The following CA5B variants were observed in gnomAD, a reference collection of about 807,000 sequenced individuals.
CA5B encodes carbonic anhydrase 5B, mitochondrial.
In CA5B, 15 loss-of-function variants were observed where a neutral mutation model predicts 23.1. That is an observed-to-expected ratio of 0.65 (90% confidence interval 0.43 to 1.00). The LOEUF is 1.00. Ranked by LOEUF, CA5B falls within the 50% of genes least tolerant of loss-of-function variation. The pLI is 0.00. For missense variants in CA5B, 236 were observed against 252.2 expected, an observed-to-expected ratio of 0.94 and a Z score of 0.43; for synonymous variants, 84 against 98.5, an observed-to-expected ratio of 0.85 and a Z score of 0.87.
intron 1 of CA5B, among the ~76,000 whole-genome samples, chrX:15,741,136 C>T (rs1931111441): frequency 9.2e-6 from 1 of 108,808 alleles, no homozygotes; most frequent in African/African-American, 3.3e-5. Flanking sequence ...GGCACAATCT[C>T]GGCTCACTGC....
At chrX:15,778,337 A>T (rs1931966735) in intron 7 of CA5B, among the ~76,000 whole-genome samples, 1 of 112,128 alleles carries the variant, frequency 8.9e-6, no homozygotes, top group South Asian at 3.7e-4. Flanking sequence ...TGTATTCCCA[A>T]TAAATATGCC....
chrX:15,781,811 A>C (rs1042015553), intron 7 of CA5B, among the ~76,000 whole-genome samples: 2 of 110,603 alleles, frequency 1.8e-5, no homozygotes, highest in Non-Finnish European at 3.8e-5. Context: ...GCTACTTGGG[A>C]GGCTGAGGTG....
rs1317533223 is a variant in CA5B, at chrX:15,787,366, A to G, written c.*4702A>G. 1 of 111,843 alleles carries G rather than the reference A, an allele frequency of 8.9e-6. No homozygotes were observed. Among genetic ancestry groups the G allele is most frequent in the Admixed American group, 9.5e-5 (1 of 10,499 alleles). 9.2% of individuals were successfully genotyped at this position (111,843 alleles called of 1,213,427 possible). ...GAACTACAAGCAAGGAAGAAGGGAG[A>G]ACTGGGTCAGTCCAAGGCCACCTGG... On this transcript the variant is annotated 3_prime_UTR_variant, in exon 8 of 8. Transcript: ENST00000318636.
intron 2 of CA5B, among the ~76,000 whole-genome samples, chrX:15,755,161 G>A (rs1324810895): frequency 8.9e-6 from 1 of 112,086 alleles, no homozygotes; most frequent in African/African-American, 3.2e-5. Context: ...CCCCTAGATT[G>A]TCTTTTATTA....
chrX:15,744,816 C>T (rs1242316417), intron 1 of CA5B, among the ~76,000 whole-genome samples: 3 of 110,734 alleles, frequency 2.7e-5, no homozygotes, highest in Non-Finnish European at 3.8e-5. Flanking sequence ...AGAGCCCCTG[C>T]GCCACATATT....
intron 2 of CA5B, among the ~76,000 whole-genome samples, chrX:15,763,821 T>C (rs917284346): frequency 1.2e-4 from 13 of 112,133 alleles, no homozygotes; most frequent in African/African-American, 4.2e-4. Flanking sequence ...GGTATAACTC[T>C]CAGTCTGAGG....
At chrX:15,757,716 A>C (rs1046207095) in intron 2 of CA5B, among the ~76,000 whole-genome samples, 1 of 110,185 alleles carries the variant, frequency 9.1e-6, no homozygotes, top group Non-Finnish European at 1.9e-5. Context: ...TCAAAAAAAA[A>C]AAAAAAACCC....
At chrX:15,764,173 T>C (rs1027833020) in intron 2 of CA5B, among the ~76,000 whole-genome samples, 4 of 111,258 alleles carry the variant, frequency 3.6e-5, no homozygotes, top group African/African-American at 1.3e-4. Flanking sequence ...GTAACCATCA[T>C]AGTGGCTAAT....
At position 15,740,793 on chromosome X, in the gene CA5B, C is replaced by T. The variant is rs556251514; in HGVS notation, c.-54+2441C>T. Among the ~76,000 whole-genome samples, 12 of 112,695 alleles carry T rather than the reference C, an allele frequency of 1.1e-4. No individual in the cohort carries two copies. In the South Asian group the frequency reaches 2.5e-3, roughly 24 times the overall value. On this transcript the variant is annotated intron_variant, in intron 1 of 7. Transcript: ENST00000318636. ...TTAGAGGGCTGGGCGCCATGGCTCA[C>T]GCCTGTACGCCTGTAATCCCAGCAC...
At chrX:15,773,701 G>A (rs1051324496) in intron 4 of CA5B, among the ~76,000 whole-genome samples, 2 of 110,077 alleles carry the variant, frequency 1.8e-5, no homozygotes, top group Non-Finnish European at 1.9e-5. Flanking sequence ...GAGCCACCGC[G>A]CCCGGCCTGC....
At chrX:15,745,408 G>T (rs1339649316) in intron 1 of CA5B, among the ~76,000 whole-genome samples, 1 of 110,970 alleles carries the variant, frequency 9.0e-6, no homozygotes, top group Non-Finnish European at 1.9e-5. Flanking sequence ...TGATGAAATA[G>T]TTTTGGGTGC....
At chrX:15,738,969 GC>G (rs1325671414) in intron 1 of CA5B, among the ~76,000 whole-genome samples, 1 of 111,775 alleles carries the variant, frequency 8.9e-6, no homozygotes, top group Non-Finnish European at 1.9e-5. Context: ...CTTTCTTCTG[GC>G]CTTTTTGTTT....
chrX:15,756,523 G>A (rs1356014299), intron 2 of CA5B, among the ~76,000 whole-genome samples: 2 of 112,484 alleles, frequency 1.8e-5, no homozygotes, highest in Non-Finnish European at 3.8e-5. Context: ...AGCTCAGGAT[G>A]GTTGGAGAAT....
chrX:15,750,091 T>A lies in CA5B; in HGVS notation c.68T>A (p.Phe23Tyr). The change falls in exon 2 of 8, where the codon TTC (phenylalanine) becomes TAC (tyrosine). Residue 23 changes from phenylalanine to tyrosine, a missense_variant. By Grantham distance (22) the Phe-to-Tyr change is conservative (BLOSUM62 3). Transcript: ENST00000318636. ...CCAGGCAAATTGCTGTGGAGAAAGT[T>A]CCAGATTCCGAGATTCATGCCAGCG... is the stretch of plus-strand genomic sequence containing the variant. ...ASPGKLLWRK[F>Y]QIPRFMPARP... 8.3e-7 allele frequency: 1 copy of A among 1,211,551 alleles called. No individual in the cohort carries two copies. The highest frequency in any genetic ancestry group is 1.8e-5 in the South Asian group (1 of 56,988).
chrX:15,781,385 C>T (rs1025065706), intron 7 of CA5B, among the ~76,000 whole-genome samples: 21 of 111,952 alleles, frequency 1.9e-4, no homozygotes, highest in African/African-American at 6.8e-4. Context: ...GCTCCTTTTG[C>T]ATTGAGTTGT....
chrX:15,757,401 A>G (rs1008200574), intron 2 of CA5B, among the ~76,000 whole-genome samples: 1 of 111,721 alleles, frequency 9.0e-6, no homozygotes, highest in Non-Finnish European at 1.9e-5. Context: ...CTGTAGTCCC[A>G]GCTACGTGGG....
intron 1 of CA5B, among the ~76,000 whole-genome samples, chrX:15,745,382 T>C (rs1931210076): frequency 9.1e-6 from 1 of 110,469 alleles, no homozygotes; most frequent in Admixed American, 9.7e-5. Context: ...AGTGAGTACA[T>C]AGTTTATGTT....
intron 2 of CA5B, among the ~76,000 whole-genome samples, chrX:15,752,682 G>A (rs773361969): frequency 1.7e-4 from 19 of 108,944 alleles, no homozygotes; most frequent in African/African-American, 3.7e-4. Context: ...CCGAGATCGC[G>A]CCACTGCACT....
At chrX:15,752,587 T>C (rs1035207169) in intron 2 of CA5B, among the ~76,000 whole-genome samples, 10 of 110,755 alleles carry the variant, frequency 9.0e-5, no homozygotes, top group East Asian at 5.7e-4. Flanking sequence ...TAGCCAGGCG[T>C]GGTGGTGGGC....
Sources: allele counts gnomAD v4.1 joint callset (sites outside exome capture counted in the v4.1 genomes callset), GRCh38; gene constraint gnomAD v4.1.1; transcripts MANE v1.5; gene names NCBI Gene and HGNC (gene_info 2026-07-23, HGNC 2026-07-21).